The following WSCD1 variants were observed in gnomAD, a reference collection of about 807,000 sequenced individuals.
WSCD1 encodes the protein sialate:O-sulfotransferase 1.
WSCD1 carries 41 observed loss-of-function variants against 60.4 expected under a neutral mutation model. That is an observed-to-expected ratio of 0.68 (90% confidence interval 0.53 to 0.88). The LOEUF (loss-of-function observed/expected upper bound fraction) is 0.88, where lower values mean the gene tolerates loss of function less well. WSCD1 is among the 40% of genes least tolerant of loss of function. WSCD1 has a pLI of 0.00. For missense variants in WSCD1, 784 were observed against 796.2 expected (o/e 0.98, Z 0.18); for synonymous variants, 361 against 332.5 (o/e 1.09, Z -0.93).
At chr17:6,082,045 C>A (rs1330802040) in intron 2 of WSCD1, 1 of 152,228 alleles carries the variant, frequency 6.6e-6, no homozygotes, top group African/African-American at 2.4e-5. Flanking sequence ...CTCTAACTGG[C>A]AGCTATTATG....
intron 5 of WSCD1, among the ~76,000 whole-genome samples, chr17:6,108,403 C>T (rs186118858): frequency 2.3e-4 from 35 of 152,284 alleles, no homozygotes; most frequent in African/African-American, 7.2e-4. Context: ...CATCTCTCTA[C>T]GCTCCAAAAG....
At chr17:6,090,544 TC>T in intron 4 of WSCD1, 39 bp downstream of exon 4, 1 of 1,600,750 alleles carries the variant, frequency 6.2e-7, no homozygotes. Flanking sequence ...TGTCCGTCTG[TC>T]CCACCCGCTC....
At position 6,090,333 on chromosome 17, in the gene WSCD1, CGCCG is replaced by C. The variant is rs1567553367; in HGVS notation, c.558_561del (p.Gly187TrpfsTer16). On this transcript the variant is annotated frameshift_variant, in exon 4 of 9. Transcript: ENST00000317744. LOFTEE classifies it high-confidence loss of function. ...CTCCTCCCTGCAGGTCCTATGTCTA[CGCCG>C]GCTTGGAGGCCGGGGCGGAGTGTTA... 6.2e-7 allele frequency: 1 copy of C among 1,602,860 alleles called. No individual in the cohort carries two copies. Among genetic ancestry groups the C allele is most frequent in the South Asian group, 1.1e-5 (1 of 89,378 alleles).
intron 1 of WSCD1, among the ~76,000 whole-genome samples, chr17:6,074,036 T>C (rs1218381288): frequency 6.6e-6 from 1 of 152,226 alleles, no homozygotes. Context: ...CCAATGCACT[T>C]GACAGTTGGT....
chr17:6,069,424 TGTGTGAGA>T (rs1392094186), upstream of WSCD1: 948 of 272,632 alleles, frequency 3.5e-3, 1 homozygote, highest in East Asian at 0.03. Context: ...TGTGTGTGTG[TGTGTGAGA>T]GAGAGAGAGA....
intron 2 of WSCD1, 147 bp from the exon 3 acceptor site, chr17:6,087,843 G>A (rs1567552428): frequency 3.2e-6 from 2 of 619,864 alleles, no homozygotes; most frequent in East Asian, 2.8e-5. Context: ...TCAGCACTGA[G>A]TGGGAGGGAG....
intron 2 of WSCD1, 65 bp from the exon 3 acceptor site, chr17:6,087,925 C>T: frequency 7.2e-7 from 1 of 1,381,920 alleles, no homozygotes; most frequent in Non-Finnish European, 1.0e-6. Context: ...GTTCCCCTGG[C>T]TTTTCCTAAG....
At chr17:6,105,660 C>T (rs1911045603) in intron 5 of WSCD1, among the ~76,000 whole-genome samples, 1 of 152,190 alleles carries the variant, frequency 6.6e-6, no homozygotes, top group Admixed American at 6.5e-5. Flanking sequence ...CAGTTTAATC[C>T]ACTCAAGGAA....
chr17:6,112,608 AC>A (rs1911469325), intron 7 of WSCD1, among the ~76,000 whole-genome samples: 1 of 152,220 alleles, frequency 6.6e-6, no homozygotes, highest in Admixed American at 6.5e-5. Flanking sequence ...CAGTAAAGTT[AC>A]AGGATACAAA....
At chr17:6,089,399 G>C (rs902037022) in intron 3 of WSCD1, among the ~76,000 whole-genome samples, 2 of 152,204 alleles carry the variant, frequency 1.3e-5, no homozygotes, top group Admixed American at 1.3e-4. Context: ...TGATTTGAAA[G>C]TGTTGACTGC....
intron 4 of WSCD1, among the ~76,000 whole-genome samples, chr17:6,091,400 C>T (rs1910031192): frequency 1.3e-5 from 2 of 152,108 alleles, no homozygotes; most frequent in South Asian, 4.1e-4. Context: ...GGCTGTGTGG[C>T]CGTGGGGCTC....
rs909537691 is a variant in WSCD1 at position 6,075,121 on chromosome 17, G to A, written c.-289+4469G>A. On this transcript the variant is annotated intron_variant, in intron 1 of 8. Transcript: ENST00000317744. This position sits in a 1 kb window ranked among gnomAD's most constrained non-coding sequence, Gnocchi z 4.1. ...CCCATCACCTTGTCTAGAGAGCAAC[G>A]TTCTGGGCCCTATTCTTGTCGCTGG... 1.4e-4 allele frequency among the ~76,000 whole-genome samples: 21 copies of A among 152,158 alleles called. No homozygotes were observed. The highest frequency in any genetic ancestry group is 4.1e-4 in the African/African-American group (17 of 41,432).
At chr17:6,084,161 G>C (rs531189809) in intron 2 of WSCD1, among the ~76,000 whole-genome samples, 2 of 152,334 alleles carry the variant, frequency 1.3e-5, no homozygotes, top group African/African-American at 4.8e-5. Context: ...TGTGATTCCA[G>C]TGCCAAATGG....
chr17:6,098,092 A>G (rs527965257), intron 5 of WSCD1, among the ~76,000 whole-genome samples: 111 of 137,058 alleles, frequency 8.1e-4, no homozygotes, highest in African/African-American at 2.5e-3. Context: ...CTGTGACTAC[A>G]GGCACACACT....
In WSCD1 at chr17:6,120,539, C is replaced by T. The variant is rs755365264; in HGVS notation, c.1606C>T (p.His536Tyr). The T allele has an allele frequency of 5.6e-6, 9 of 1,613,694 alleles. No individual in the cohort carries two copies. The highest frequency in any genetic ancestry group is 1.1e-5 in the South Asian group (1 of 91,090). Residue 536 changes from histidine to tyrosine, a missense_variant, in exon 9 of 9, where the codon CAC (histidine) becomes TAC (tyrosine). By Grantham distance (83) the His-to-Tyr change is moderately conservative. Coordinates refer to ENST00000317744, the MANE Select transcript of WSCD1 (RefSeq NM_015253.2). ...CTTCCGGCGGCGCGGCCGGCGCTCC[C>T]ACGACCCTGAGCCCTTCACCCCGGA... ...GSFRRRGRRS[H>Y]DPEPFTPEMK...
intron 2 of WSCD1, among the ~76,000 whole-genome samples, chr17:6,081,716 A>G (rs1482805602): frequency 1.3e-5 from 2 of 152,128 alleles, no homozygotes; most frequent in African/African-American, 4.8e-5. Context: ...AAAAAAAGAA[A>G]AAAAAAAAAT....
At chr17:6,112,008 G>T (rs1474281962) in intron 7 of WSCD1, among the ~76,000 whole-genome samples, 4 of 152,170 alleles carry the variant, frequency 2.6e-5, no homozygotes, top group African/African-American at 4.8e-5. Context: ...TAATGATCTA[G>T]TCTGTTACAA....
chr17:6,096,777 G>T (rs1320729292), intron 5 of WSCD1, among the ~76,000 whole-genome samples: 1 of 152,164 alleles, frequency 6.6e-6, no homozygotes, highest in Non-Finnish European at 1.5e-5. Flanking sequence ...CCCTCCTAGG[G>T]CTTCCCTCAC....
chr17:6,098,391 C>T (rs1214299895), intron 5 of WSCD1, among the ~76,000 whole-genome samples: 1 of 152,260 alleles, frequency 6.6e-6, no homozygotes, highest in Non-Finnish European at 1.5e-5. Flanking sequence ...TGCAGTTTCA[C>T]ACTGGAGCAT....
Sources: allele counts gnomAD v4.1 joint callset (sites outside exome capture counted in the v4.1 genomes callset), GRCh38; gene constraint gnomAD v4.1.1; non-coding constraint Gnocchi (gnomAD v3.1); transcripts MANE v1.5; gene names NCBI Gene and HGNC (gene_info 2026-07-23, HGNC 2026-07-21).